CFAP96: variants seen among roughly 807,000 people sequenced by gnomAD.
The protein encoded by CFAP96 is cilia and flagella associated protein 96.
chr4:185,448,650 T>G, the CFAP96 span, among the ~76,000 whole-genome samples: 1 of 152,204 alleles, frequency 6.6e-6, no homozygotes. Context: ...ATGGAGCTTT[T>G]TTCTATCCTT....
the CFAP96 span, among the ~76,000 whole-genome samples, chr4:185,446,109 G>A: frequency 8.2e-4 from 125 of 152,190 alleles, no homozygotes; most frequent in African/African-American, 2.8e-3. Flanking sequence ...CCAAAGTGCT[G>A]GGATTACAGG....
the CFAP96 span, chr4:185,418,879 C>A: frequency 1.2e-6 from 1 of 814,582 alleles, no homozygotes; most frequent in Non-Finnish European, 1.8e-6. Context: ...TACCTATTCC[C>A]CATATTCAAT....
the CFAP96 span, among the ~76,000 whole-genome samples, chr4:185,444,147 G>A: frequency 2.0e-5 from 3 of 150,116 alleles, no homozygotes; most frequent in Middle Eastern, 0.01. Context: ...TAGAGACGGG[G>A]TTTCACCTTG....
the CFAP96 span, among the ~76,000 whole-genome samples, chr4:185,443,850 G>A: frequency 7.3e-6 from 1 of 136,182 alleles, no homozygotes; most frequent in African/African-American, 2.7e-5. Context: ...AAGTTTTCTT[G>A]TTATTGTAAG....
chr4:185,426,310 A>T, the CFAP96 span: 5 of 162,492 alleles, frequency 3.1e-5, no homozygotes, highest in East Asian at 5.4e-4. Context: ...CCGCTCCCGC[A>T]GCGCAGTTAA....
chr4:185,410,729 G>A, the CFAP96 span, among the ~76,000 whole-genome samples: 27 of 150,938 alleles, frequency 1.8e-4, no homozygotes, highest in Non-Finnish European at 3.0e-4. Flanking sequence ...GGCAGATCAC[G>A]AGGTCAGGAG....
chr4:185,449,353 T>G, the CFAP96 span, among the ~76,000 whole-genome samples: 1 of 152,020 alleles, frequency 6.6e-6, no homozygotes, highest in Non-Finnish European at 1.5e-5. Context: ...AAACTCTGTC[T>G]CTACAAAAAA....
chr4:185,445,206 C>A, the CFAP96 span: 1 of 1,253,206 alleles, frequency 8.0e-7, no homozygotes, highest in Non-Finnish European at 1.1e-6. Context: ...AAAATAGTAT[C>A]TTTTATTTAT....
the CFAP96 span, chr4:185,426,009 G>A: frequency 2.1e-6 from 2 of 961,562 alleles, no homozygotes; most frequent in Non-Finnish European, 3.2e-6. Context: ...GCGGCATGAC[G>A]TCACGGAGCG....
the CFAP96 span, among the ~76,000 whole-genome samples, chr4:185,428,615 T>C: frequency 4.0e-5 from 6 of 151,444 alleles, no homozygotes; most frequent in African/African-American, 1.5e-4. Flanking sequence ...TTAAAACAAT[T>C]AATTTCTAAA....
chr4:185,409,595 T>C, the CFAP96 span, among the ~76,000 whole-genome samples: 8 of 152,146 alleles, frequency 5.3e-5, no homozygotes, highest in Non-Finnish European at 5.9e-5. Context: ...CAAGCACAGA[T>C]AGAAAAATTT....
the CFAP96 span, among the ~76,000 whole-genome samples, chr4:185,433,725 A>T: frequency 1.3e-5 from 2 of 151,958 alleles, no homozygotes; most frequent in Non-Finnish European, 1.5e-5. Flanking sequence ...AACATGGCGA[A>T]ACCCCGTCTC....
chr4:185,415,246 G>A, the CFAP96 span: 1 of 1,602,980 alleles, frequency 6.2e-7, no homozygotes, highest in Non-Finnish European at 8.5e-7. Context: ...AAAGTGCAGT[G>A]GTTCAGGGAC....
chr4:185,418,600 G>A, the CFAP96 span: 2 of 1,613,258 alleles, frequency 1.2e-6, no homozygotes, highest in Non-Finnish European at 1.7e-6. Flanking sequence ...ATAAAGCGCA[G>A]TATGTTCTTA....
At chr4:185,440,721 T>TG in the CFAP96 span, 1 of 1,328,790 alleles carries the variant, frequency 7.5e-7, no homozygotes, top group Non-Finnish European at 9.9e-7. Flanking sequence ...GGTAAAAAGG[T>TG]AAGTTTACAA....
At chr4:185,440,900 A>G in the CFAP96 span, among the ~76,000 whole-genome samples, 1 of 150,454 alleles carries the variant, frequency 6.6e-6, no homozygotes, top group Non-Finnish European at 1.5e-5. Context: ...GTAGGGGATA[A>G]TGAAGCCCTT....
At chr4:185,416,874 A>G in the CFAP96 span, among the ~76,000 whole-genome samples, 1 of 152,250 alleles carries the variant, frequency 6.6e-6, no homozygotes, top group African/African-American at 2.4e-5. Context: ...CAGATAATAC[A>G]AAAGGAAATG....
chr4:185,423,111 G>A, the CFAP96 span, among the ~76,000 whole-genome samples: 4 of 152,138 alleles, frequency 2.6e-5, no homozygotes, highest in Admixed American at 1.3e-4. Context: ...CGCCTGTCTC[G>A]GCCTCCCAAA....
the CFAP96 span, among the ~76,000 whole-genome samples, chr4:185,440,031 A>T: frequency 6.7e-6 from 1 of 150,092 alleles, no homozygotes. Flanking sequence ...ATATACATAT[A>T]ATTTTTTTAA....
Sources: gnomAD v4.1 joint callset for allele counts (sites outside exome capture counted in the v4.1 genomes callset) on GRCh38, gnomAD v4.1.1 for gene constraint, MANE v1.5 for transcripts, NCBI Gene and HGNC (gene_info 2026-07-23, HGNC 2026-07-21) for gene names.